Variants in SKIL observed in about 807,000 individuals in gnomAD.
SKIL encodes ski-like protein.
In SKIL, 20 loss-of-function variants were observed where a neutral mutation model predicts 69.6. That is an observed-to-expected ratio of 0.29 (90% CI 0.20 to 0.42). The LOEUF (loss-of-function observed/expected upper bound fraction) is 0.42. Ranked by LOEUF, SKIL falls within the 10% of genes least tolerant of loss-of-function variation. The pLI, the probability that SKIL is intolerant of heterozygous loss-of-function variation, is 1.00. For missense variants in SKIL, 745 were observed against 783.1 expected (o/e 0.95, Z 0.58); for synonymous variants, 310 against 279.9 (o/e 1.11, Z -1.08).
At chr3:170,380,874 T>C (rs1464962848) in intron 2 of SKIL, among the ~76,000 whole-genome samples, 1 of 152,006 alleles carries the variant, frequency 6.6e-6, no homozygotes, top group Non-Finnish European at 1.5e-5. Flanking sequence ...TAGAGTGCAG[T>C]GGTGCAATCA....
intron 3 of SKIL, among the ~76,000 whole-genome samples, 187 bp from the exon 4 acceptor site, chr3:170,384,346 G>C (rs1737509714): frequency 6.6e-6 from 1 of 151,926 alleles, no homozygotes; most frequent in Admixed American, 6.6e-5. Flanking sequence ...AATTTTGTTT[G>C]TAATGCCTAA....
At chr3:170,375,504 A>G (rs527280366) in intron 2 of SKIL, among the ~76,000 whole-genome samples, 1 of 152,324 alleles carries the variant, frequency 6.6e-6, no homozygotes, top group South Asian at 2.1e-4. Context: ...TATTCTGAAG[A>G]TTTGAGATTC....
At position 170,394,033 on chromosome 3, in the gene SKIL, G is replaced by T. The variant is rs1453197937; in HGVS notation, c.*1616G>T. 2 of 149,188 alleles carry T rather than the reference G, an allele frequency of 1.3e-5. No homozygotes were observed. Among genetic ancestry groups the T allele is most frequent in the Non-Finnish European group, 3.0e-5 (2 of 67,610 alleles). The allele number at this position is 149,188 out of a possible 1,614,324, so 9.2% of individuals were successfully genotyped here. A position where few individuals can be genotyped will look rare whatever the true frequency, so the allele number is the denominator to read the frequency against. ...GTTTTCTATTTTCCATTTAAATTTT[G>T]CTATATTAAGACTAATTTAATTCGT... On this transcript the variant is annotated 3_prime_UTR_variant, in exon 7 of 7. Coordinates refer to ENST00000259119, the MANE Select transcript of SKIL (RefSeq NM_005414.5).
chr3:170,388,679 C>G (rs974229613), intron 4 of SKIL, among the ~76,000 whole-genome samples: 6 of 152,092 alleles, frequency 3.9e-5, no homozygotes, highest in Admixed American at 3.9e-4. Context: ...ATCCACCTGC[C>G]TCAGCCTCCC....
At position 170,393,988 on chromosome 3, in the gene SKIL, T is replaced by G. The variant is rs945494519; in HGVS notation, c.*1571T>G. ...CCCAAATGTAATTTATTTACTAAAT[T>G]GAGTATAACCTAAATGTGTGTTTTC... On this transcript the variant is annotated 3_prime_UTR_variant, in exon 7 of 7. Transcript: ENST00000259119. 1 of 152,150 alleles carries G rather than the reference T, an allele frequency of 6.6e-6. No individual in the cohort carries two copies. Among genetic ancestry groups the G allele is most frequent in the Non-Finnish European group, 1.5e-5 (1 of 68,020 alleles). The allele number at this position is 152,150 out of a possible 1,614,324, so 9.4% of individuals were successfully genotyped here. A position where few individuals can be genotyped will look rare whatever the true frequency, so the allele number is the denominator to read the frequency against.
intron 6 of SKIL, 67 bp downstream of exon 6, chr3:170,391,327 T>C: frequency 1.1e-6 from 1 of 888,912 alleles, no homozygotes. Context: ...CTTCTCTCTT[T>C]TTTTTTTTTG....
intron 2 of SKIL, among the ~76,000 whole-genome samples, chr3:170,375,862 G>C (rs558920575): frequency 6.6e-6 from 1 of 152,206 alleles, no homozygotes; most frequent in South Asian, 2.1e-4. Flanking sequence ...CTATAGGTGT[G>C]AGCCACTGGG....
intron 2 of SKIL, among the ~76,000 whole-genome samples, chr3:170,366,696 G>GACACACAGACACAT (rs57637265): frequency 6.8e-6 from 1 of 147,580 alleles, no homozygotes; most frequent in Non-Finnish European, 1.5e-5. Context: ...CACACACACA[G>GACACACAGACACAT]ACACACACAC....
Position 170,393,549 on chromosome 3 carries a change from A to G in SKIL, c.*1132A>G, listed in dbSNP as rs576428725. On this transcript the variant is annotated 3_prime_UTR_variant, in exon 7 of 7. Transcript: ENST00000259119. Reference sequence around the variant, plus strand: ...AAGTTTTAGAAGATAAAGGAATTCCATAGTTTCAGGAGGGACAACATCTTC... The same window carrying G: ...AAGTTTTAGAAGATAAAGGAATTCCGTAGTTTCAGGAGGGACAACATCTTC... 3 of 152,184 alleles carry G rather than the reference A, an allele frequency of 2.0e-5. No individual in the cohort carries two copies. The highest frequency in any genetic ancestry group is 3.8e-4 in the East Asian group (2 of 5,200). 9.4% of individuals were successfully genotyped at this position (152,184 alleles called of 1,614,324 possible).
At chr3:170,366,672 A>AACACACACAC (rs778933453) in intron 2 of SKIL, among the ~76,000 whole-genome samples, 4 of 112,464 alleles carry the variant, frequency 3.6e-5, no homozygotes, top group African/African-American at 1.3e-4. Flanking sequence ...TCTGTCTCAA[A>AACACACACAC]ACACACACAC....
In SKIL at chr3:170,393,979, T is replaced by G. The variant is rs2108230115; in HGVS notation, c.*1562T>G. ...TTGTACTTCCCCAAATGTAATTTAT[T>G]TACTAAATTGAGTATAACCTAAATG... On this transcript the variant is annotated 3_prime_UTR_variant, in exon 7 of 7. Coordinates refer to ENST00000259119, the MANE Select transcript of SKIL (RefSeq NM_005414.5). The G allele has an allele frequency of 6.6e-6, 1 of 152,260 alleles. No individual in the cohort carries two copies. The highest frequency in any genetic ancestry group is 1.5e-5 in the Non-Finnish European group (1 of 68,004). The allele number at this position is 152,260 out of a possible 1,614,324, so 9.4% of individuals were successfully genotyped here. A position where few individuals can be genotyped will look rare whatever the true frequency, so the allele number is the denominator to read the frequency against.
chr3:170,361,454 A>T (rs1560205368), intron 2 of SKIL, 25 bp downstream of exon 2: 4 of 1,490,152 alleles, frequency 2.7e-6, no homozygotes, highest in Non-Finnish European at 3.6e-6. Context: ...TCAATTTTTA[A>T]TAATGGTAAT....
rs917954044 is a variant in SKIL at position 170,395,864 on chromosome 3, A to G, written c.*3447A>G. ...ATAGTTTTTATCGAAGCTGTCAGCA[A>G]TAAGGGACATAAAACTGCTGTATTA... is the stretch of plus-strand genomic sequence containing the variant. On this transcript the variant is annotated 3_prime_UTR_variant, in exon 7 of 7. Transcript: ENST00000259119. 6.6e-6 allele frequency: 1 copy of G among 152,056 alleles called. No individual in the cohort carries two copies. Among genetic ancestry groups the G allele is most frequent in the Admixed American group, 6.6e-5 (1 of 15,254 alleles). The allele number at this position is 152,056 out of a possible 1,614,324, so 9.4% of individuals were successfully genotyped here. A position where few individuals can be genotyped will look rare whatever the true frequency, so the allele number is the denominator to read the frequency against.
At position 170,385,398 on chromosome 3, in the gene SKIL, T is replaced by C. The variant is rs188114485; in HGVS notation, c.1429+633T>C. Among the ~76,000 whole-genome samples, 4 of 152,150 alleles carry C rather than the reference T, an allele frequency of 2.6e-5. 1 individual carries two copies. Among genetic ancestry groups the C allele is most frequent in the Admixed American group, 2.6e-4 (4 of 15,254 alleles). The stretch of plus-strand genomic sequence containing the variant: ...TGAGCCACCGCACCCAACCTTTATT[T>C]TTCTTTCTGATTTGCCATGAACTGA... On this transcript the variant is annotated intron_variant, in intron 4 of 6. Coordinates refer to ENST00000259119, the MANE Select transcript of SKIL (RefSeq NM_005414.5).
intron 2 of SKIL, among the ~76,000 whole-genome samples, chr3:170,376,880 A>C (rs1021857173): frequency 6.6e-6 from 1 of 152,202 alleles, no homozygotes; most frequent in Non-Finnish European, 1.5e-5. Context: ...GCGCCTGGCC[A>C]ACTCAAGATT....
At chr3:170,385,800 CT>C (rs903813500) in intron 4 of SKIL, among the ~76,000 whole-genome samples, 4 of 149,526 alleles carry the variant, frequency 2.7e-5, no homozygotes, top group African/African-American at 7.4e-5. Flanking sequence ...TTCTTTCTTT[CT>C]TTTTTTTCTT....
intron 2 of SKIL, among the ~76,000 whole-genome samples, chr3:170,364,391 T>G (rs557631475): frequency 7.1e-6 from 1 of 140,464 alleles, no homozygotes; most frequent in East Asian, 2.3e-4. Context: ...TGGCGCGATC[T>G]CAGTTCACTG....
chr3:170,357,873 G>A (rs1357066699), intron 1 of SKIL, 110 bp downstream of exon 1: 1 of 153,236 alleles, frequency 6.5e-6, no homozygotes, highest in Non-Finnish European at 1.5e-5. Context: ...AATTCACAAA[G>A]CTCGTCGAGC....
intron 2 of SKIL, among the ~76,000 whole-genome samples, chr3:170,362,917 G>C (rs915929898): frequency 8.0e-5 from 12 of 149,750 alleles, no homozygotes; most frequent in African/African-American, 2.7e-4. Flanking sequence ...CCAAGGTTTT[G>C]AATGCCGAGG....
Sources: allele counts gnomAD v4.1 joint callset (sites outside exome capture counted in the v4.1 genomes callset), GRCh38; gene constraint gnomAD v4.1.1; transcripts MANE v1.5; gene names NCBI Gene and HGNC (gene_info 2026-07-23, HGNC 2026-07-21).